Variants in SLC37A1 observed in about 807,000 individuals in gnomAD.
SLC37A1 encodes solute carrier family 37 member 1.
SLC37A1 carries 49 observed loss-of-function variants against 75.3 expected under a neutral mutation model. That is an observed-to-expected ratio of 0.65 (90% CI 0.52 to 0.83). The LOEUF (loss-of-function observed/expected upper bound fraction) is 0.83, where lower values mean the gene tolerates loss of function less well. SLC37A1 is among the 40% of genes least tolerant of loss of function. SLC37A1 has a pLI of 0.00. For missense variants in SLC37A1, 566 were observed against 695.0 expected, an observed-to-expected ratio of 0.81 and a Z score of 2.09; for synonymous variants, 268 against 292.1, an observed-to-expected ratio of 0.92 and a Z score of 0.84.
At chr21:42,568,531 C>A in intron 17 of SLC37A1, 93 bp downstream of exon 17, 1 of 1,217,076 alleles carries the variant, frequency 8.2e-7, no homozygotes, top group Non-Finnish European at 1.2e-6. Flanking sequence ...GTTCCAACTG[C>A]ATCTATAACA....
At chr21:42,528,401 G>A (rs1048303548) in intron 3 of SLC37A1, among the ~76,000 whole-genome samples, 4 of 152,182 alleles carry the variant, frequency 2.6e-5, no homozygotes, top group African/African-American at 9.7e-5. Flanking sequence ...CCTGGACTGG[G>A]CCAGAAAAGA....
chr21:42,553,181 C>T lies in SLC37A1; in HGVS notation c.769-881C>T, dbSNP rs566444977. Among the ~76,000 whole-genome samples, 20 of 152,268 alleles carry T rather than the reference C, an allele frequency of 1.3e-4. No homozygotes were observed. The East Asian group carries it at 3.5e-3, about 26-fold the overall frequency. ...CTCTACTTGCAGATCTCACAGTTAGCGTGCAAGCCTGGTGGTTTTTCTTCT... is the reference window on the plus strand; with the variant it reads ...CTCTACTTGCAGATCTCACAGTTAGTGTGCAAGCCTGGTGGTTTTTCTTCT... On this transcript the variant is annotated intron_variant, in intron 9 of 19. Coordinates refer to ENST00000352133, the MANE Select transcript of SLC37A1 (RefSeq NM_001320537.2).
intron 2 of SLC37A1, among the ~76,000 whole-genome samples, chr21:42,504,119 A>G (rs913349266): frequency 2.0e-5 from 3 of 152,232 alleles, no homozygotes; most frequent in African/African-American, 7.2e-5. Context: ...TCACTAATGC[A>G]TTTCTTTGAT....
In SLC37A1 at chr21:42,522,394, C is replaced by T. The variant is rs376731283; in HGVS notation, c.57-3382C>T. 9.9e-5 allele frequency among the ~76,000 whole-genome samples: 15 copies of T among 152,278 alleles called. 4 individuals are homozygous for T. Among genetic ancestry groups the T allele is most frequent in the East Asian group, 1.9e-4 (1 of 5,182 alleles). ...TGTTTGGCTTCTGGGGGTTTGAGCCCATCCATGCTGCAGAGTGAAGCGTCT... is the reference window on the plus strand; with the variant it reads ...TGTTTGGCTTCTGGGGGTTTGAGCCTATCCATGCTGCAGAGTGAAGCGTCT... On this transcript the variant is annotated intron_variant, in intron 2 of 19. Transcript: ENST00000352133.
At chr21:42,520,461 C>G (rs1242475538) in intron 2 of SLC37A1, among the ~76,000 whole-genome samples, 2 of 152,112 alleles carry the variant, frequency 1.3e-5, no homozygotes, top group Non-Finnish European at 2.9e-5. Flanking sequence ...TGATTAGATT[C>G]AGATTATGCA....
chr21:42,562,549 C>T (rs897619317), intron 12 of SLC37A1, among the ~76,000 whole-genome samples: 1 of 152,166 alleles, frequency 6.6e-6, no homozygotes, highest in African/African-American at 2.4e-5. Flanking sequence ...ATACTCTGAC[C>T]TGGAAATGGC....
chr21:42,520,225 TTTC>T (rs1477854848), intron 2 of SLC37A1, among the ~76,000 whole-genome samples: 5 of 152,212 alleles, frequency 3.3e-5, no homozygotes, highest in African/African-American at 4.8e-5. Context: ...TGTGATAGCA[TTTC>T]TTCTTCTGTT....
intron 9 of SLC37A1, among the ~76,000 whole-genome samples, chr21:42,553,100 G>A (rs2055596398): frequency 6.6e-6 from 1 of 152,224 alleles, no homozygotes; most frequent in Non-Finnish European, 1.5e-5. Flanking sequence ...TCTGAACGGA[G>A]TTTAACCCAT....
intron 11 of SLC37A1, among the ~76,000 whole-genome samples, chr21:42,559,495 A>G (rs1205047551): frequency 6.6e-6 from 1 of 152,178 alleles, no homozygotes; most frequent in Non-Finnish European, 1.5e-5. Flanking sequence ...GCCCTCCCAC[A>G]GGCCTTGAGC....
intron 2 of SLC37A1, among the ~76,000 whole-genome samples, chr21:42,519,231 C>A (rs2054586683): frequency 6.6e-6 from 1 of 152,140 alleles, no homozygotes; most frequent in Non-Finnish European, 1.5e-5. Flanking sequence ...AAAAGTGTCC[C>A]TCAAAGGGGC....
chr21:42,580,094 C>T (rs531026751), intron 19 of SLC37A1, among the ~76,000 whole-genome samples: 60 of 152,078 alleles, frequency 3.9e-4, no homozygotes, highest in Non-Finnish European at 7.4e-4. Flanking sequence ...CCCCCTTCTC[C>T]CTCCCTCCTC....
chr21:42,579,822 T>C, intron 19 of SLC37A1, 22 bp downstream of exon 19: 3 of 1,613,230 alleles, frequency 1.9e-6, no homozygotes, highest in Non-Finnish European at 2.5e-6. Context: ...TCGGGCCCTG[T>C]CTCCGTGCGT....
chr21:42,534,598 C>T, intron 3 of SLC37A1, 100 bp from the exon 4 acceptor site: 1 of 1,444,244 alleles, frequency 6.9e-7, no homozygotes, highest in Admixed American at 2.1e-5. Context: ...CCTGGGCAGG[C>T]TGCTGGGAGA....
At chr21:42,543,687 AGCT>A (rs2055339542) in intron 8 of SLC37A1, 85 bp downstream of exon 8, 1 of 1,402,166 alleles carries the variant, frequency 7.1e-7, no homozygotes, top group African/African-American at 1.4e-5. Context: ...CGAGTGTGAG[AGCT>A]GCGTGGCCTA....
intron 2 of SLC37A1, among the ~76,000 whole-genome samples, chr21:42,521,502 T>A (rs1173875149): frequency 3.6e-4 from 55 of 152,256 alleles, no homozygotes; most frequent in Admixed American, 3.6e-3. Flanking sequence ...TGCATGTGAT[T>A]GAGGTAATAA....
rs1206533289 is a variant in SLC37A1 at position 42,504,956 on chromosome 21, A to T, written c.-179+2539A>T. 1.3e-5 allele frequency among the ~76,000 whole-genome samples: 2 copies of T among 151,968 alleles called. 1 individual carries two copies. The highest frequency in any genetic ancestry group is 4.8e-5 in the African/African-American group (2 of 41,344). On this transcript the variant is annotated intron_variant, in intron 2 of 20. Coordinates refer to the SLC37A1 transcript ENST00000398341. ...CCCAACCAATCTCCAAATCCTGGAG[A>T]GTCTTCCTTCCAAATTATTCCAAAT...
chr21:42,545,812 G>T lies in SLC37A1; in HGVS notation c.731-1291G>T, dbSNP rs1157570622. ...GGACTGCCCAACATGCCGACCATGT[G>T]TCCTTGGTCAGTGGCCTCGCCCTAT... On this transcript the variant is annotated intron_variant, in intron 8 of 19. Transcript: ENST00000352133. The surrounding 1 kb of genome is among the most constrained non-coding windows in gnomAD (Gnocchi z 4.0). Among the ~76,000 whole-genome samples, 2 of 152,274 alleles carry T rather than the reference G, an allele frequency of 1.3e-5. No homozygotes were observed. The highest frequency in any genetic ancestry group is 2.9e-5 in the Non-Finnish European group (2 of 68,052).
chr21:42,529,518 C>T (rs968295017), intron 3 of SLC37A1, among the ~76,000 whole-genome samples: 1 of 152,154 alleles, frequency 6.6e-6, no homozygotes, highest in Non-Finnish European at 1.5e-5. Flanking sequence ...CACACCACCG[C>T]ACTCCAGCCT....
chr21:42,532,233 A>G (rs978135877), intron 3 of SLC37A1, among the ~76,000 whole-genome samples: 1 of 152,214 alleles, frequency 6.6e-6, no homozygotes, highest in African/African-American at 2.4e-5. Context: ...CTTATTTATG[A>G]AAAAAAGGGA....
Sources: allele counts gnomAD v4.1 joint callset (sites outside exome capture counted in the v4.1 genomes callset), GRCh38; gene constraint gnomAD v4.1.1; non-coding constraint Gnocchi (gnomAD v3.1); transcripts MANE v1.5; gene names NCBI Gene and HGNC (gene_info 2026-07-23, HGNC 2026-07-21).